Variants in ADGRB3 observed in about 807,000 individuals in gnomAD.
ADGRB3 encodes brain-specific angiogenesis inhibitor 3.
In ADGRB3, 37 loss-of-function variants were observed where a neutral mutation model predicts 193.4. The observed-to-expected ratio is 0.19, with a 90% CI of 0.15 to 0.25. The LOEUF (loss-of-function observed/expected upper bound fraction) is 0.25. Among genes scored for constraint, ADGRB3 ranks in the 10% least tolerant of loss-of-function variants. ADGRB3 has a pLI of 1.00. For synonymous variants in ADGRB3, 690 were observed against 644.2 expected, an observed-to-expected ratio of 1.07 and a Z score of -1.08; for missense variants, 1,637 against 1,852.9, an observed-to-expected ratio of 0.88 and a Z score of 2.14.
chr6:68,706,354 T>TA (rs1207467394), intron 3 of ADGRB3, among the ~76,000 whole-genome samples: 2 of 152,132 alleles, frequency 1.3e-5, no homozygotes, highest in Non-Finnish European at 2.9e-5. Flanking sequence ...CCATAAAAGA[T>TA]ATGGTGATGT....
intron 17 of ADGRB3, among the ~76,000 whole-genome samples, chr6:69,167,171 CTCTA>C (rs1391693710): frequency 1.3e-5 from 2 of 152,056 alleles, no homozygotes; most frequent in Admixed American, 6.6e-5. Flanking sequence ...ATGTATGCTT[CTCTA>C]TCTGTTTGCA....
At chr6:69,304,068 A>C (rs1768009495) in intron 20 of ADGRB3, among the ~76,000 whole-genome samples, 1 of 151,770 alleles carries the variant, frequency 6.6e-6, no homozygotes, top group Admixed American at 6.6e-5. Flanking sequence ...TTCTAAGCAA[A>C]AATTTCAACC....
At chr6:68,760,544 A>G (rs2127350969) in intron 3 of ADGRB3, among the ~76,000 whole-genome samples, 1 of 152,360 alleles carries the variant, frequency 6.6e-6, no homozygotes, top group Admixed American at 6.5e-5. Context: ...CACAGAAGCT[A>G]TGAAAACAAG....
chr6:68,699,185 T>G (rs1046755965), intron 3 of ADGRB3, among the ~76,000 whole-genome samples: 1 of 152,114 alleles, frequency 6.6e-6, no homozygotes, highest in African/African-American at 2.4e-5. Flanking sequence ...TTAGAGAAAC[T>G]TGTTCTTTGA....
At chr6:68,860,518 A>C (rs1289676029) in intron 3 of ADGRB3, among the ~76,000 whole-genome samples, 1 of 152,224 alleles carries the variant, frequency 6.6e-6, no homozygotes, top group Non-Finnish European at 1.5e-5. Flanking sequence ...TATTTCACTT[A>C]GGATAATGGC....
At chr6:69,243,312 CT>C (rs1561964014) in intron 20 of ADGRB3, among the ~76,000 whole-genome samples, 1 of 151,930 alleles carries the variant, frequency 6.6e-6, no homozygotes, top group Admixed American at 6.6e-5. Context: ...ATTCAGGAAG[CT>C]CAATGAGGGC....
At chr6:68,655,293 T>G (rs1768465575) in intron 3 of ADGRB3, among the ~76,000 whole-genome samples, 1 of 151,428 alleles carries the variant, frequency 6.6e-6, no homozygotes, top group Non-Finnish European at 1.5e-5. Context: ...ATCAGGGTTT[T>G]GTTTTGTTTC....
At chr6:69,105,426 G>A (rs1465123492) in intron 17 of ADGRB3, among the ~76,000 whole-genome samples, 1 of 152,152 alleles carries the variant, frequency 6.6e-6, no homozygotes, top group Admixed American at 6.5e-5. Flanking sequence ...AGACACATTC[G>A]TGTACCATGC....
intron 3 of ADGRB3, among the ~76,000 whole-genome samples, chr6:68,805,192 T>C (rs1343742796): frequency 2.0e-5 from 3 of 152,194 alleles, no homozygotes; most frequent in African/African-American, 4.8e-5. Context: ...CTGTCTGCTT[T>C]GGCCTCCCAA....
intron 13 of ADGRB3, among the ~76,000 whole-genome samples, chr6:69,042,338 A>G (rs1771097353): frequency 6.6e-6 from 1 of 152,178 alleles, no homozygotes; most frequent in African/African-American, 2.4e-5. Context: ...CTGTGCTAGG[A>G]ACAGTGCCTA....
chr6:69,355,700 C>T (rs1582653198), intron 27 of ADGRB3, 121 bp from the exon 28 acceptor site: 1 of 810,008 alleles, frequency 1.2e-6, no homozygotes, highest in East Asian at 2.5e-5. Context: ...TTCCTATGAA[C>T]AAAACAATAA....
At chr6:68,839,803 A>T (rs764842885) in intron 3 of ADGRB3, among the ~76,000 whole-genome samples, 1 of 152,210 alleles carries the variant, frequency 6.6e-6, no homozygotes, top group Non-Finnish European at 1.5e-5. Flanking sequence ...GGCACTGAAG[A>T]CAGCAGGAAA....
chr6:68,742,791 CA>C (rs1413730315), intron 3 of ADGRB3, among the ~76,000 whole-genome samples: 1 of 151,758 alleles, frequency 6.6e-6, no homozygotes, highest in Non-Finnish European at 1.5e-5. Flanking sequence ...TGTTTTTCCT[CA>C]AAAAGGAAAA....
At chr6:69,034,460 C>A (rs1770806529) in intron 13 of ADGRB3, among the ~76,000 whole-genome samples, 1 of 150,008 alleles carries the variant, frequency 6.7e-6, no homozygotes, top group Non-Finnish European at 1.5e-5. Flanking sequence ...ATAATTTAGA[C>A]TACATAGGTG....
intron 17 of ADGRB3, among the ~76,000 whole-genome samples, chr6:69,084,718 TATG>T (rs1772496772): frequency 6.6e-6 from 1 of 152,184 alleles, no homozygotes. Flanking sequence ...TGAAATAAAG[TATG>T]ATAATAAAAA....
intron 3 of ADGRB3, among the ~76,000 whole-genome samples, chr6:68,888,456 A>G (rs1765974420): frequency 6.6e-6 from 1 of 151,926 alleles, no homozygotes; most frequent in Non-Finnish European, 1.5e-5. Context: ...GTCCTATAGG[A>G]TAAAATTGAT....
At chr6:68,765,549 C>T (rs903482799) in intron 3 of ADGRB3, among the ~76,000 whole-genome samples, 21 of 151,156 alleles carry the variant, frequency 1.4e-4, no homozygotes, top group Non-Finnish European at 1.5e-5. Flanking sequence ...CACACACACA[C>T]ACACACACAC....
At chr6:69,080,971 A>G (rs1412854776) in intron 17 of ADGRB3, among the ~76,000 whole-genome samples, 2 of 152,024 alleles carry the variant, frequency 1.3e-5, no homozygotes, top group Non-Finnish European at 2.9e-5. Flanking sequence ...AGGTGCCAGC[A>G]TGTTCCATTT....
chr6:69,118,953 G>T (rs1219178061), intron 17 of ADGRB3, among the ~76,000 whole-genome samples: 1 of 151,928 alleles, frequency 6.6e-6, no homozygotes, highest in African/African-American at 2.4e-5. Context: ...TGCTGTAAAA[G>T]AATACAATAT....
Sources: allele counts gnomAD v4.1 joint callset (sites outside exome capture counted in the v4.1 genomes callset), GRCh38; gene constraint gnomAD v4.1.1; transcripts MANE v1.5; gene names NCBI Gene and HGNC (gene_info 2026-07-23, HGNC 2026-07-21).